TET1: variants seen among roughly 807,000 people sequenced by gnomAD.
TET1 encodes the protein methylcytosine dioxygenase TET1.
TET1 carries 13 observed loss-of-function variants against 148.7 expected under a neutral mutation model. That is an observed-to-expected ratio of 0.09 (90% CI 0.06 to 0.14). The LOEUF (loss-of-function observed/expected upper bound fraction) is 0.14, where lower values mean the gene tolerates loss of function less well. Ranked by LOEUF, TET1 falls within the 10% of genes least tolerant of loss-of-function variation. The probability of loss-of-function intolerance (pLI) is 1.00; values close to 1 mark genes in which losing one functional copy is unlikely to be tolerated. For synonymous variants in TET1, 907 were observed against 937.2 expected, an observed-to-expected ratio of 0.97 and a Z score of 0.59; for missense variants, 2,182 against 2,553.8, an observed-to-expected ratio of 0.85 and a Z score of 3.14.
intron 3 of TET1, among the ~76,000 whole-genome samples, chr10:68,633,764 T>A (rs907967074): frequency 1.1e-4 from 16 of 152,086 alleles, no homozygotes; most frequent in African/African-American, 3.9e-4. Context: ...AAGTTTTCAC[T>A]GGCTCTTAGT....
intron 3 of TET1, among the ~76,000 whole-genome samples, chr10:68,635,958 C>T (rs1383987076): frequency 2.0e-5 from 3 of 152,138 alleles, no homozygotes; most frequent in Admixed American, 2.0e-4. Flanking sequence ...GAAAATTCTC[C>T]TTGGAGGTCT....
intron 8 of TET1, among the ~76,000 whole-genome samples, chr10:68,676,282 T>A (rs1267156140): frequency 8.2e-6 from 1 of 121,840 alleles, no homozygotes; most frequent in Non-Finnish European, 1.7e-5. Flanking sequence ...TTTTTTTTTT[T>A]TTTTTTTTTT....
intron 3 of TET1, among the ~76,000 whole-genome samples, chr10:68,605,297 AC>A (rs374817086): frequency 1.6e-4 from 24 of 151,760 alleles, no homozygotes; most frequent in Non-Finnish European, 3.2e-4. Flanking sequence ...ACATAGAGAA[AC>A]CCCCATCTCT....
chr10:68,639,758 G>GCC (rs1322041326), intron 3 of TET1, among the ~76,000 whole-genome samples: 5 of 152,046 alleles, frequency 3.3e-5, no homozygotes, highest in Non-Finnish European at 2.9e-5. Context: ...GAGCCACCAT[G>GCC]CCCCGCCCTT....
At chr10:68,675,564 ATTTT>A (rs11313882) in intron 8 of TET1, among the ~76,000 whole-genome samples, 1 of 131,498 alleles carries the variant, frequency 7.6e-6, no homozygotes, top group Non-Finnish European at 1.6e-5. Context: ...TATCCACGTC[ATTTT>A]TTTTTTTTTT....
chr10:68,587,445 G>A (rs148406300), intron 2 of TET1, among the ~76,000 whole-genome samples: 3 of 152,134 alleles, frequency 2.0e-5, no homozygotes, highest in Non-Finnish European at 1.5e-5. Flanking sequence ...CAGAATTGCA[G>A]GGAGATTTGT....
At chr10:68,600,467 A>G (rs1426418806) in intron 2 of TET1, among the ~76,000 whole-genome samples, 1 of 152,186 alleles carries the variant, frequency 6.6e-6, no homozygotes, top group South Asian at 2.1e-4. Flanking sequence ...GCCGAGCCGC[A>G]CAGGAGATCC....
chr10:68,613,579 T>G (rs1173290697), intron 3 of TET1, among the ~76,000 whole-genome samples: 1 of 152,014 alleles, frequency 6.6e-6, no homozygotes, highest in Non-Finnish European at 1.5e-5. Flanking sequence ...ATTGGTTCAT[T>G]GAAAAAACAA....
intron 2 of TET1, among the ~76,000 whole-genome samples, chr10:68,575,347 G>A (rs887964828): frequency 4.0e-5 from 6 of 151,892 alleles, no homozygotes; most frequent in South Asian, 4.1e-4. Flanking sequence ...TTGCGCCATT[G>A]CATTCCAGCC....
At chr10:68,611,769 C>T (rs1007943574) in intron 3 of TET1, among the ~76,000 whole-genome samples, 6 of 146,784 alleles carry the variant, frequency 4.1e-5, no homozygotes, top group Admixed American at 2.1e-4. Context: ...GTGCGATCTC[C>T]GCTCACTGCA....
chr10:68,668,225 T>C (rs1053474214), intron 7 of TET1, among the ~76,000 whole-genome samples: 8 of 152,238 alleles, frequency 5.3e-5, no homozygotes, highest in African/African-American at 1.9e-4. Flanking sequence ...CTTTTTCCTT[T>C]GGCTATGTTA....
intron 7 of TET1, among the ~76,000 whole-genome samples, chr10:68,667,783 G>C (rs2055214486): frequency 6.6e-6 from 1 of 151,196 alleles, no homozygotes; most frequent in African/African-American, 2.4e-5. Flanking sequence ...TTATTTCATT[G>C]CTTCCCAAAA....
At chr10:68,614,575 G>A (rs547564653) in intron 3 of TET1, among the ~76,000 whole-genome samples, 47 of 152,246 alleles carry the variant, frequency 3.1e-4, no homozygotes, top group Non-Finnish European at 3.8e-4. Context: ...GTGGTGGCAC[G>A]ATCTCAGCTC....
intron 2 of TET1, among the ~76,000 whole-genome samples, chr10:68,586,482 A>G: frequency 1.4e-5 from 1 of 71,798 alleles, no homozygotes; most frequent in Non-Finnish European, 3.0e-5. Context: ...CCAGCCAGCT[A>G]ACGTTTTTTT....
chr10:68,608,524 C>T (rs946811577), intron 3 of TET1, among the ~76,000 whole-genome samples: 2 of 151,960 alleles, frequency 1.3e-5, no homozygotes, highest in Non-Finnish European at 1.5e-5. Flanking sequence ...CGTGAGCCAC[C>T]GCGCCAGGCC....
chr10:68,582,076 T>TAGA (rs746398415), intron 2 of TET1, among the ~76,000 whole-genome samples: 4 of 151,606 alleles, frequency 2.6e-5, no homozygotes, highest in African/African-American at 4.8e-5. Context: ...TTAGTTTAAA[T>TAGA]AGAAGCATAT....
At chr10:68,610,745 C>T (rs966823829) in intron 3 of TET1, among the ~76,000 whole-genome samples, 2 of 152,014 alleles carry the variant, frequency 1.3e-5, no homozygotes, top group African/African-American at 2.4e-5. Context: ...GCAGCCTTGA[C>T]CTCCTGGATC....
intron 1 of TET1, among the ~76,000 whole-genome samples, chr10:68,561,583 G>T (rs1426455513): frequency 1.3e-5 from 2 of 152,116 alleles, no homozygotes; most frequent in Non-Finnish European, 2.9e-5. Context: ...GGGTGCTGGG[G>T]CTGGTCGTGC....
intron 9 of TET1, among the ~76,000 whole-genome samples, chr10:68,682,374 A>G (rs1385318009): frequency 6.6e-6 from 1 of 151,970 alleles, no homozygotes; most frequent in Non-Finnish European, 1.5e-5. Context: ...AGCCTCCCAA[A>G]CTGCTGGGAT....
Sources: gnomAD v4.1 joint callset for allele counts (sites outside exome capture counted in the v4.1 genomes callset) on GRCh38, gnomAD v4.1.1 for gene constraint, MANE v1.5 for transcripts, NCBI Gene and HGNC (gene_info 2026-07-23, HGNC 2026-07-21) for gene names.